Variants in MAP3K20 observed in about 807,000 individuals in gnomAD.
MAP3K20 encodes mitogen-activated protein kinase kinase kinase 20.
In MAP3K20, 40 loss-of-function variants were observed where a neutral mutation model predicts 85.7. That is an observed-to-expected ratio of 0.47 (90% CI 0.36 to 0.61). The LOEUF (loss-of-function observed/expected upper bound fraction) is 0.61. Among genes scored for constraint, MAP3K20 ranks in the 20% least tolerant of loss-of-function variants. The pLI, the probability that MAP3K20 is intolerant of heterozygous loss-of-function variation, is 0.00. For missense variants in MAP3K20, 817 were observed against 961.7 expected (o/e 0.85, Z 1.99); for synonymous variants, 325 against 327.7 (o/e 0.99, Z 0.09).
chr2:173,080,603 T>G (rs1156973210), intron 1 of MAP3K20, among the ~76,000 whole-genome samples: 1 of 152,232 alleles, frequency 6.6e-6, no homozygotes, highest in Non-Finnish European at 1.5e-5. Flanking sequence ...AATCACCTCT[T>G]AAAGGTTCTG....
At chr2:173,096,372 C>T (rs1184192537) in intron 2 of MAP3K20, among the ~76,000 whole-genome samples, 6 of 148,818 alleles carry the variant, frequency 4.0e-5, no homozygotes, top group Admixed American at 2.0e-4. Context: ...CAGAGTCTCG[C>T]TCTTTTGCCC....
chr2:173,082,921 C>T (rs1244808258), intron 1 of MAP3K20, among the ~76,000 whole-genome samples: 2 of 152,204 alleles, frequency 1.3e-5, no homozygotes, highest in Non-Finnish European at 2.9e-5. Flanking sequence ...ATTCCTGTGC[C>T]TCCCATCTTT....
chr2:173,137,296 A>C (rs185650323), intron 2 of MAP3K20, among the ~76,000 whole-genome samples: 7 of 152,344 alleles, frequency 4.6e-5, no homozygotes, highest in Admixed American at 2.6e-4. Flanking sequence ...CCTGGACTAA[A>C]GAATAATAGT....
At chr2:173,112,728 T>C (rs1324608163) in intron 2 of MAP3K20, among the ~76,000 whole-genome samples, 1 of 152,156 alleles carries the variant, frequency 6.6e-6, no homozygotes, top group Non-Finnish European at 1.5e-5. Flanking sequence ...TATTGACTTG[T>C]GTATGTTAAA....
intron 2 of MAP3K20, among the ~76,000 whole-genome samples, chr2:173,156,993 T>G (rs1392373561): frequency 1.3e-5 from 2 of 152,198 alleles, no homozygotes; most frequent in Non-Finnish European, 2.9e-5. Flanking sequence ...TAAAATACAG[T>G]CAACCCTTGA....
At chr2:173,205,595 G>A (rs921908680) in intron 9 of MAP3K20, among the ~76,000 whole-genome samples, 1 of 152,008 alleles carries the variant, frequency 6.6e-6, no homozygotes, top group Non-Finnish European at 1.5e-5. Flanking sequence ...GGCTTGGCTT[G>A]GCTTAACTTG....
At chr2:173,178,386 G>A (rs1690228523) in intron 3 of MAP3K20, among the ~76,000 whole-genome samples, 1 of 152,234 alleles carries the variant, frequency 6.6e-6, no homozygotes, top group Non-Finnish European at 1.5e-5. Flanking sequence ...GCTCCAGCCT[G>A]TAATCTTAGC....
chr2:173,173,424 CA>C (rs1453428651), intron 3 of MAP3K20, among the ~76,000 whole-genome samples: 1 of 152,106 alleles, frequency 6.6e-6, no homozygotes, highest in African/African-American at 2.4e-5. Context: ...GCTTTGTTCT[CA>C]GGGGCTGATC....
At chr2:173,121,855 C>G (rs1010755348) in intron 2 of MAP3K20, among the ~76,000 whole-genome samples, 2 of 152,262 alleles carry the variant, frequency 1.3e-5, no homozygotes, top group South Asian at 2.1e-4. Context: ...ACAGTTCAGC[C>G]TTGATAAGGG....
intron 2 of MAP3K20, among the ~76,000 whole-genome samples, chr2:173,108,928 T>A (rs1442327807): frequency 6.6e-6 from 1 of 152,140 alleles, no homozygotes; most frequent in East Asian, 1.9e-4. Context: ...CAGTAAAAAA[T>A]CTTTATAATT....
At chr2:173,160,208 A>G (rs1050631760) in intron 2 of MAP3K20, 6 of 152,230 alleles carry the variant, frequency 3.9e-5, no homozygotes, top group African/African-American at 7.2e-5. Flanking sequence ...AAAAGAACCT[A>G]TGGAATTGTG....
At chr2:173,138,495 G>A (rs889250930) in intron 2 of MAP3K20, among the ~76,000 whole-genome samples, 1 of 152,170 alleles carries the variant, frequency 6.6e-6, no homozygotes, top group Admixed American at 6.5e-5. Flanking sequence ...TCACATAATT[G>A]TGAAAAGTTC....
Position 173,134,428 on chromosome 2 carries a change from A to ATTTTTT in MAP3K20, c.160-35363_160-35358dup, listed in dbSNP as rs1274644433. Among the ~76,000 whole-genome samples, 12 of 3,154 alleles carry ATTTTTT rather than the reference A, an allele frequency of 3.8e-3. 1 individual carries two copies. The highest frequency in any genetic ancestry group is 0.018 in the East Asian group (4 of 222). The allele number at this position is 3,154 out of a possible 152,430, so 2.1% of individuals were successfully genotyped here. On this transcript the variant is annotated intron_variant, in intron 2 of 19. Transcript: ENST00000375213. ...TATATATATATATATATATATATAT[A>ATTTTTT]TTTTTTTTTTTTTTTTTTTGCAGAG...
intron 11 of MAP3K20, chr2:173,221,487 ATG>A: frequency 6.2e-7 from 1 of 1,608,032 alleles, no homozygotes; most frequent in South Asian, 1.1e-5. Flanking sequence ...GATGATGATG[ATG>A]ACGGTGAGGA....
At chr2:173,119,047 A>G (rs920692160) in intron 2 of MAP3K20, among the ~76,000 whole-genome samples, 3 of 152,252 alleles carry the variant, frequency 2.0e-5, no homozygotes, top group Non-Finnish European at 2.9e-5. Context: ...ATTAACTAGT[A>G]AAAGATAGTT....
intron 8 of MAP3K20, among the ~76,000 whole-genome samples, chr2:173,200,962 A>G (rs1312606696): frequency 6.6e-6 from 1 of 152,178 alleles, no homozygotes; most frequent in Non-Finnish European, 1.5e-5. Context: ...CAAAAACTAA[A>G]GAAATTTGTG....
At chr2:173,138,334 T>A (rs1431157099) in intron 2 of MAP3K20, among the ~76,000 whole-genome samples, 2 of 152,230 alleles carry the variant, frequency 1.3e-5, no homozygotes, top group African/African-American at 4.8e-5. Context: ...ATATGCACTT[T>A]TTCTATTTTG....
intron 1 of MAP3K20, among the ~76,000 whole-genome samples, chr2:173,077,924 AGAGT>A (rs1459900324): frequency 2.6e-5 from 4 of 152,254 alleles, no homozygotes; most frequent in Admixed American, 6.5e-5. Context: ...ACTTAGCACA[AGAGT>A]GAGTGTTATT....
chr2:173,113,464 G>C (rs1414951001), intron 2 of MAP3K20, among the ~76,000 whole-genome samples: 1 of 151,924 alleles, frequency 6.6e-6, no homozygotes, highest in African/African-American at 2.4e-5. Flanking sequence ...TGCTTCTCTA[G>C]TTCATTGAGG....
Sources: gnomAD v4.1 joint callset for allele counts (sites outside exome capture counted in the v4.1 genomes callset) on GRCh38, gnomAD v4.1.1 for gene constraint, MANE v1.5 for transcripts, NCBI Gene and HGNC (gene_info 2026-07-23, HGNC 2026-07-21) for gene names.